CSPP1: variants seen among roughly 807,000 people sequenced by gnomAD.
CSPP1 encodes the protein centrosome and spindle pole-associated protein 1.
CSPP1 carries 126 observed loss-of-function variants against 164.4 expected under a neutral mutation model. The observed-to-expected ratio is 0.77, with a 90% confidence interval of 0.66 to 0.89. CSPP1 has a LOEUF of 0.89. Among genes scored for constraint, CSPP1 ranks in the 40% least tolerant of loss-of-function variants. CSPP1 has a pLI of 0.00. For synonymous variants in CSPP1, 472 were observed against 476.7 expected (o/e 0.99, Z 0.13); for missense variants, 1,395 against 1,449.8 (o/e 0.96, Z 0.61).
chr8:67,173,469 G>T (rs1192939506), intron 25 of CSPP1: 1 of 152,194 alleles, frequency 6.6e-6, no homozygotes, highest in Non-Finnish European at 1.5e-5. Context: ...GGGATGTGTG[G>T]TCGTATGACG....
In CSPP1 at chr8:67,116,029, T is replaced by C. The variant is rs1467963230; in HGVS notation, c.1403T>C (p.Val468Ala). The part of the protein sequence containing the change: ...TPLPPLSAPS[V>A]PPIPSVHPVP... ...CTCCCTCCTTTATCTGCCCCATCTG[T>C]CCCACCCATCCCATCAGTTCATCCT... Residue 468 changes from valine to alanine, a missense_variant, in exon 13 of 31, where the codon GTC becomes GCC. Transcript: ENST00000678616. 2 of 1,614,024 alleles carry C rather than the reference T, an allele frequency of 1.2e-6. No homozygotes were observed. Among genetic ancestry groups the C allele is most frequent in the Admixed American group, 1.7e-5 (1 of 59,996 alleles).
Position 67,149,947 on chromosome 8 carries a change from C to CTTTTTTTTTTTTTTTTTTTTT in CSPP1, c.2128+16_2128+36dup, listed in dbSNP as rs11296619. 3 of 983,928 alleles carry CTTTTTTTTTTTTTTTTTTTTT rather than the reference C, an allele frequency of 3.0e-6. No individual in the cohort carries two copies. The highest frequency in any genetic ancestry group is 4.8e-5 in the African/African-American group (2 of 41,748). 60.9% of individuals were successfully genotyped at this position (983,928 alleles called of 1,614,324 possible). A position where few individuals can be genotyped will look rare whatever the true frequency, so the allele number is the denominator to read the frequency against. ...AAATAAAAGCTCAGGTTTTTAATCA[C>CTTTTTTTTTTTTTTTTTTTTT]TTTTTTTTTTTTTTTTTTTTTTTTA... On this transcript the variant is annotated intron_variant, in intron 18 of 30. Transcript: ENST00000678616.
At chr8:67,142,994 C>T (rs1430107383) in intron 17 of CSPP1, among the ~76,000 whole-genome samples, 1 of 152,106 alleles carries the variant, frequency 6.6e-6, no homozygotes, top group African/African-American at 2.4e-5. Context: ...ATAATCATGG[C>T]ACAATGATCA....
intron 24 of CSPP1, among the ~76,000 whole-genome samples, chr8:67,168,482 T>G (rs1829908667): frequency 6.6e-6 from 1 of 152,224 alleles, no homozygotes; most frequent in Non-Finnish European, 1.5e-5. Flanking sequence ...TACATGATAA[T>G]TTCTACCCTT....
intron 17 of CSPP1, among the ~76,000 whole-genome samples, chr8:67,143,184 C>G (rs1170606632): frequency 6.6e-6 from 1 of 151,812 alleles, no homozygotes; most frequent in African/African-American, 2.4e-5. Context: ...ATTCCTCTTT[C>G]TCAGTCTTTC....
At chr8:67,137,764 G>A (rs1351078573) in intron 17 of CSPP1, among the ~76,000 whole-genome samples, 161 bp downstream of exon 17, 1 of 151,966 alleles carries the variant, frequency 6.6e-6, no homozygotes, top group Non-Finnish European at 1.5e-5. Flanking sequence ...TAATAACAGA[G>A]GCTAGAAAGC....
Position 67,095,470 on chromosome 8 carries a change from G to C in CSPP1, c.661G>C (p.Asp221His), listed in dbSNP as rs1268782115. Reference protein sequence around the residue: ...RLEEDRYRQLDDEIELRNRRI... With the variant: ...RLEEDRYRQLHDEIELRNRRI... ...AGAGGAGGACAGATACCGACAACTA[G>C]ATGATGAAATCGAATTAAGGAATAG... is the stretch of plus-strand genomic sequence containing the variant. Residue 221 changes from aspartate (D) to histidine (H), a missense_variant, in exon 7 of 31, where the codon GAT becomes CAT. Coordinates refer to ENST00000678616, the MANE Select transcript of CSPP1 (RefSeq NM_001382391.1). The C allele has an allele frequency of 1.2e-6, 2 of 1,613,294 alleles. No individual in the cohort carries two copies. Among genetic ancestry groups the C allele is most frequent in the Non-Finnish European group, 8.5e-7 (1 of 1,179,902 alleles).
intron 28 of CSPP1, 119 bp downstream of exon 28, chr8:67,180,045 C>A: frequency 1.8e-6 from 1 of 546,244 alleles, no homozygotes. Context: ...AAGGAATATT[C>A]TTTTTTCTGT....
Position 67,158,523 on chromosome 8 carries a change from T to C in CSPP1, c.2318T>C (p.Leu773Pro), listed in dbSNP as rs778324209. The change falls in exon 20 of 31, where the codon CTT (leucine) becomes CCT (proline). Residue 773 changes from leucine (L) to proline (P), a missense_variant. Transcript: ENST00000678616. Reference protein sequence around the residue: ...RIAEEKEERRLAEQRARIQQE... With the variant: ...RIAEEKEERRPAEQRARIQQE... ...GCAGAAGAAAAAGAAGAAAGACGGC[T>C]TGCAGAACAGAGGGCACGAATTCAG... is the stretch of plus-strand genomic sequence containing the variant. The C allele has an allele frequency of 6.2e-7, 1 of 1,612,888 alleles. No homozygotes were observed.
intron 28 of CSPP1, among the ~76,000 whole-genome samples, chr8:67,185,118 CAA>C (rs1380466613): frequency 1.3e-4 from 19 of 143,834 alleles, no homozygotes; most frequent in East Asian, 1.2e-3. Context: ...AAAAAAAAAA[CAA>C]AAACAAACAA....
intron 15 of CSPP1, among the ~76,000 whole-genome samples, chr8:67,122,671 A>G (rs1349244270): frequency 6.6e-6 from 1 of 152,114 alleles, no homozygotes; most frequent in Non-Finnish European, 1.5e-5. Flanking sequence ...GTCCTAGAGA[A>G]TGTTCCACAT....
intron 4 of CSPP1, among the ~76,000 whole-genome samples, chr8:67,087,922 C>T (rs1249441258): frequency 6.6e-6 from 1 of 152,172 alleles, no homozygotes; most frequent in Non-Finnish European, 1.5e-5. Context: ...CGCTAATTTT[C>T]ACTTCACCCT....
At chr8:67,184,822 G>C (rs893111684) in intron 28 of CSPP1, among the ~76,000 whole-genome samples, 1 of 149,494 alleles carries the variant, frequency 6.7e-6, no homozygotes. Context: ...ACAGTCGGCC[G>C]GGCACGGTGG....
chr8:67,171,103 T>A (rs1586704735), intron 24 of CSPP1, among the ~76,000 whole-genome samples: 1 of 141,702 alleles, frequency 7.1e-6, no homozygotes, highest in Non-Finnish European at 1.5e-5. Flanking sequence ...TTTTTTTTTT[T>A]AAGAGACGGG....
At chr8:67,093,505 G>T in intron 5 of CSPP1, 38 bp from the exon 6 acceptor site, 2 of 1,350,276 alleles carry the variant, frequency 1.5e-6, no homozygotes, top group Non-Finnish European at 2.1e-6. Flanking sequence ...TTTTCCTGAA[G>T]TTGAATTTTA....
chr8:67,192,223 T>A (rs1379677592), intron 29 of CSPP1, among the ~76,000 whole-genome samples: 1 of 151,984 alleles, frequency 6.6e-6, no homozygotes, highest in Non-Finnish European at 1.5e-5. Context: ...TACAGGTGCA[T>A]GCCAACACGC....
Position 67,149,949 on chromosome 8 carries a change from T to A in CSPP1, c.2128+14T>A. 1.8e-4 allele frequency: 12 copies of A among 66,708 alleles called. No homozygotes were observed. The highest frequency in any genetic ancestry group is 1.4e-3 in the East Asian group (2 of 1,380). The allele number at this position is 66,708 out of a possible 1,614,324, so 4.1% of individuals were successfully genotyped here. On this transcript the variant is annotated intron_variant, in intron 18 of 30. Coordinates refer to ENST00000678616, the MANE Select transcript of CSPP1 (RefSeq NM_001382391.1). ...ATAAAAGCTCAGGTTTTTAATCACT[T>A]TTTTTTTTTTTTTTTTTTTTTTACA...
intron 9 of CSPP1, among the ~76,000 whole-genome samples, chr8:67,106,280 T>C (rs1240492966): frequency 6.6e-6 from 1 of 152,122 alleles, no homozygotes; most frequent in Non-Finnish European, 1.5e-5. Context: ...AATGAAATTA[T>C]TAGTTTCAGT....
intron 15 of CSPP1, among the ~76,000 whole-genome samples, chr8:67,123,610 GT>G (rs566476440): frequency 2.0e-3 from 258 of 128,050 alleles, no homozygotes; most frequent in East Asian, 0.011. Context: ...TTTCTTCTTC[GT>G]TTTTTTTTTT....
Sources: allele counts gnomAD v4.1 joint callset (sites outside exome capture counted in the v4.1 genomes callset), GRCh38; gene constraint gnomAD v4.1.1; transcripts MANE v1.5; gene names NCBI Gene and HGNC (gene_info 2026-07-23, HGNC 2026-07-21).